The following CACNA2D3 variants were observed in gnomAD, a reference collection of about 807,000 sequenced individuals.
The protein encoded by CACNA2D3 is calcium voltage-gated channel auxiliary subunit alpha2delta 3.
Under a neutral mutation model 160.6 loss-of-function variants are expected in CACNA2D3, and 60 were observed. That is an observed-to-expected ratio of 0.37 (90% CI 0.30 to 0.46). The LOEUF (loss-of-function observed/expected upper bound fraction) is 0.46. Among genes scored for constraint, CACNA2D3 ranks in the 20% least tolerant of loss-of-function variants. The pLI is 1.00. For synonymous variants in CACNA2D3, 558 were observed against 492.9 expected, an observed-to-expected ratio of 1.13 and a Z score of -1.75; for missense variants, 1,205 against 1,365.0, an observed-to-expected ratio of 0.88 and a Z score of 1.85.
At chr3:55,033,501 A>G (rs1703721244) in intron 35 of CACNA2D3, among the ~76,000 whole-genome samples, 1 of 150,460 alleles carries the variant, frequency 6.6e-6, no homozygotes, top group African/African-American at 2.4e-5. Context: ...TTTTTTATAC[A>G]ATGATAACAC....
intron 4 of CACNA2D3, among the ~76,000 whole-genome samples, chr3:54,474,486 G>T (rs533479394): frequency 2.0e-5 from 3 of 152,070 alleles, no homozygotes; most frequent in Non-Finnish European, 2.9e-5. Flanking sequence ...ACTATGGCAC[G>T]TGTGTACCTG....
intron 11 of CACNA2D3, among the ~76,000 whole-genome samples, chr3:54,721,594 C>T (rs531716637): frequency 3.3e-5 from 5 of 152,014 alleles, no homozygotes; most frequent in African/African-American, 1.2e-4. Context: ...AACCCCGTCT[C>T]TACTAAAAAT....
intron 11 of CACNA2D3, among the ~76,000 whole-genome samples, chr3:54,698,927 AAC>A (rs1381400659): frequency 7.9e-5 from 12 of 152,176 alleles, no homozygotes; most frequent in African/African-American, 2.9e-4. Flanking sequence ...ACAAATCACT[AAC>A]AACCACGTGA....
Position 54,622,980 on chromosome 3 carries a change from TA to T in CACNA2D3, c.964-4806del, listed in dbSNP as rs1311069126. Among the ~76,000 whole-genome samples the T allele has an allele frequency of 7.9e-5, 12 of 152,158 alleles. No homozygotes were observed. The South Asian group carries it at 1.2e-3, about 16-fold the overall frequency. ...GTGATTAAGAAGGGGAGGAGGGGCATAGGGGAGAAGAGGAAGATCATTTTAA... is the reference window on the plus strand; with the variant it reads ...GTGATTAAGAAGGGGAGGAGGGGCATGGGGAGAAGAGGAAGATCATTTTAA... On this transcript the variant is annotated intron_variant, in intron 9 of 37. Transcript: ENST00000474759.
In CACNA2D3 at chr3:54,206,524, A is replaced by G. The variant is rs926527832; in HGVS notation, c.204+82930A>G. ...CCTCACACGCATTCTCCTGAGGCAT[A>G]TTGATCAGCCTTAAAAACTCAAACA... On this transcript the variant is annotated intron_variant, in intron 2 of 37. Transcript: ENST00000474759. 3.3e-5 allele frequency among the ~76,000 whole-genome samples: 5 copies of G among 152,304 alleles called. No individual in the cohort carries two copies. The East Asian group carries it at 9.7e-4, about 29-fold the overall frequency.
chr3:54,829,885 C>CTTTTTTTTTTTTTT (rs58291013), intron 14 of CACNA2D3, among the ~76,000 whole-genome samples: 4 of 64,310 alleles, frequency 6.2e-5, no homozygotes, highest in Admixed American at 2.0e-4. Context: ...TCTTCTTCAT[C>CTTTTTTTTTTTTTT]TTTTTTTTTT....
intron 27 of CACNA2D3, chr3:54,918,540 C>T: frequency 6.2e-7 from 1 of 1,614,054 alleles, no homozygotes; most frequent in South Asian, 1.1e-5. Flanking sequence ...CCCCATGGTA[C>T]TGGGCTGTGA....
rs528111083 is a variant in CACNA2D3 at position 54,952,002 on chromosome 3, C to T, written c.2450-16448C>T. ...TAGCCGGGACTACAGGTGCCTGCCA[C>T]CATACCTGGCTAATTTTTGTCTTTT... is the stretch of plus-strand genomic sequence containing the variant. On this transcript the variant is annotated intron_variant, in intron 27 of 37. Transcript: ENST00000474759. Among the ~76,000 whole-genome samples the T allele has an allele frequency of 1.1e-4, 17 of 152,288 alleles. No individual in the cohort carries two copies. The South Asian group carries it at 3.3e-3, about 30-fold the overall frequency.
intron 27 of CACNA2D3, among the ~76,000 whole-genome samples, chr3:54,952,245 G>A (rs1201488554): frequency 1.3e-5 from 2 of 152,198 alleles, no homozygotes; most frequent in Non-Finnish European, 2.9e-5. Context: ...TGTTGGCCTT[G>A]CACTCTGCAG....
At chr3:54,891,487 C>G (rs1559619240) in intron 25 of CACNA2D3, 37 bp downstream of exon 25, 3 of 1,446,622 alleles carry the variant, frequency 2.1e-6, no homozygotes, top group Non-Finnish European at 2.9e-6. Flanking sequence ...GCCCAGGGAG[C>G]TTCTGAAATG....
chr3:54,918,628 A>T, intron 27 of CACNA2D3: 1 of 1,614,180 alleles, frequency 6.2e-7, no homozygotes, highest in Non-Finnish European at 8.5e-7. Flanking sequence ...GCCAGTGATG[A>T]TGACAGTGGC....
Position 54,386,776 on chromosome 3 carries a change from T to C in CACNA2D3, c.381+2T>C. On this transcript the variant is annotated splice_donor_variant, in intron 4 of 37. Coordinates refer to ENST00000474759, the MANE Select transcript of CACNA2D3 (RefSeq NM_018398.3). LOFTEE classifies it high-confidence loss of function. ...CATGAATTTGATGCAGACTTACAGG[T>C]AACTGATTATAGTTTGAGTTAAATT... 1 of 1,592,634 alleles carries C rather than the reference T, an allele frequency of 6.3e-7. No individual in the cohort carries two copies. The highest frequency in any genetic ancestry group is 2.2e-5 in the East Asian group (1 of 44,520).
At chr3:54,263,700 T>A (rs548649781) in intron 2 of CACNA2D3, among the ~76,000 whole-genome samples, 58 of 152,184 alleles carry the variant, frequency 3.8e-4, no homozygotes, top group Non-Finnish European at 7.8e-4. Context: ...ACACATGTTG[T>A]GCACCTTTGG....
chr3:54,453,625 G>A (rs1287873054), intron 4 of CACNA2D3, among the ~76,000 whole-genome samples: 1 of 152,040 alleles, frequency 6.6e-6, no homozygotes. Flanking sequence ...TTTCAGGCAG[G>A]GCCCAGTCCA....
chr3:54,352,011 G>A (rs1234013420), intron 3 of CACNA2D3, among the ~76,000 whole-genome samples: 5 of 152,130 alleles, frequency 3.3e-5, no homozygotes, highest in Non-Finnish European at 5.9e-5. Context: ...CATGGCTATT[G>A]GTGCTTTGTT....
chr3:54,795,540 G>A (rs1292050211), intron 13 of CACNA2D3, among the ~76,000 whole-genome samples: 2 of 152,146 alleles, frequency 1.3e-5, no homozygotes, highest in Non-Finnish European at 2.9e-5. Context: ...TTTTGTTCTG[G>A]CAGTCAGTTA....
At chr3:54,812,727 G>C (rs13319915) in intron 13 of CACNA2D3, among the ~76,000 whole-genome samples, 2,316 of 152,288 alleles carry the variant, frequency 0.015, 58 homozygotes, top group African/African-American at 0.053. Flanking sequence ...GTGAGAAGTA[G>C]CACTGGTTGG....
At chr3:54,459,469 T>C (rs567991958) in intron 4 of CACNA2D3, among the ~76,000 whole-genome samples, 35 of 151,250 alleles carry the variant, frequency 2.3e-4, no homozygotes, top group Admixed American at 2.2e-3. Context: ...CCATTCTAAC[T>C]GGTGTGAGAT....
At chr3:55,020,120 C>G (rs1559465459) in intron 35 of CACNA2D3, among the ~76,000 whole-genome samples, 1 of 151,466 alleles carries the variant, frequency 6.6e-6, no homozygotes, top group Admixed American at 6.6e-5. Flanking sequence ...ACATCCATTA[C>G]AAAAAAATTT....
Sources: gnomAD v4.1 joint callset for allele counts (sites outside exome capture counted in the v4.1 genomes callset) on GRCh38, gnomAD v4.1.1 for gene constraint, MANE v1.5 for transcripts, NCBI Gene and HGNC (gene_info 2026-07-23, HGNC 2026-07-21) for gene names.